CDYL: variants seen among roughly 807,000 people sequenced by gnomAD.
CDYL encodes the protein chromodomain Y-like protein.
CDYL carries 8 observed loss-of-function variants against 47.3 expected under a neutral mutation model. That is an observed-to-expected ratio of 0.17 (90% CI 0.10 to 0.31). The LOEUF (loss-of-function observed/expected upper bound fraction) is 0.31. Ranked by LOEUF, CDYL falls within the 10% of genes least tolerant of loss-of-function variation. The pLI is 1.00. For synonymous variants in CDYL, 266 were observed against 265.0 expected (o/e 1.00, Z -0.04); for missense variants, 471 against 701.4 (o/e 0.67, Z 3.71).
At chr6:4,902,090 G>A (rs931200898) in intron 2 of CDYL, among the ~76,000 whole-genome samples, 22 of 152,092 alleles carry the variant, frequency 1.4e-4, no homozygotes, top group Admixed American at 1.3e-4. Context: ...GAAAGCCAGG[G>A]CTAGTAACAA....
At chr6:4,743,333 C>T (rs1003854289) in intron 3 of CDYL, among the ~76,000 whole-genome samples, 3 of 152,214 alleles carry the variant, frequency 2.0e-5, no homozygotes, top group African/African-American at 4.8e-5. Context: ...CTCCCAGTTA[C>T]AGGACTCATA....
chr6:4,724,361 TTA>T (rs886875291), intron 2 of CDYL: 4 of 152,200 alleles, frequency 2.6e-5, no homozygotes, highest in African/African-American at 9.7e-5. Context: ...TGTCCCCTCT[TTA>T]TAATTCCAAA....
intron 1 of CDYL, among the ~76,000 whole-genome samples, chr6:4,885,450 A>G (rs1761875701): frequency 6.6e-6 from 1 of 152,176 alleles, no homozygotes; most frequent in Admixed American, 6.5e-5. Flanking sequence ...TGGTTCAGTT[A>G]TCAGATGGAT....
At chr6:4,725,117 G>A (rs1020387988) in intron 2 of CDYL, among the ~76,000 whole-genome samples, 10 of 152,166 alleles carry the variant, frequency 6.6e-5, no homozygotes, top group Admixed American at 2.0e-4. Context: ...CACAAACCCT[G>A]AGCTAGACAC....
rs1398064326 is a variant in CDYL at position 4,943,643 on chromosome 6, G to A, written c.1219G>A (p.Asp407Asn). Reference sequence around the variant, plus strand: ...AGGAGCATCTATATTGCCTCTTTGCGATGTGGTTTGGGCTAATGAAAAGGC... The same window carrying A: ...AGGAGCATCTATATTGCCTCTTTGCAATGTGGTTTGGGCTAATGAAAAGGC... ...GLGASILPLC[D>N]VVWANEKAWF... Residue 407 changes from aspartate to asparagine, a missense_variant, in exon 5 of 7, where the codon GAT becomes AAT. Asp to Asn is a conservative substitution (Grantham distance 23). This residue lies in a region of CDYL where 103 missense variants were observed against 277.1 expected (regional missense o/e 0.37). Coordinates refer to ENST00000397588, the MANE Select transcript of CDYL (RefSeq NM_004824.4). 6.2e-7 allele frequency: 1 copy of A among 1,613,874 alleles called. No homozygotes were observed.
chr6:4,718,304 G>C (rs1396312112), intron 2 of CDYL, among the ~76,000 whole-genome samples: 1 of 151,842 alleles, frequency 6.6e-6, no homozygotes, highest in African/African-American at 2.4e-5. Context: ...TCGTTTGTTT[G>C]GTTGTTTTTT....
At chr6:4,832,993 A>C (rs1472720443) in intron 1 of CDYL, among the ~76,000 whole-genome samples, 1 of 151,608 alleles carries the variant, frequency 6.6e-6, no homozygotes, top group African/African-American at 2.4e-5. Context: ...CTAGCAGTCT[A>C]TCAATTTTGT....
intron 1 of CDYL, among the ~76,000 whole-genome samples, chr6:4,788,480 C>CCAAAAAAAAAAAAAAA (rs1758820985): frequency 1.6e-5 from 1 of 61,064 alleles, no homozygotes; most frequent in African/African-American, 7.4e-5. Context: ...GAGACTCTGT[C>CCAAAAAAAAAAAAAAA]AAAAAAAAAA....
chr6:4,783,030 C>T (rs763819741), intron 1 of CDYL, among the ~76,000 whole-genome samples: 1 of 152,210 alleles, frequency 6.6e-6, no homozygotes, highest in Non-Finnish European at 1.5e-5. Flanking sequence ...TTCCTGAACT[C>T]ACATGCTACT....
intron 1 of CDYL, among the ~76,000 whole-genome samples, chr6:4,783,543 A>G (rs1432755320): frequency 6.6e-6 from 1 of 151,826 alleles, no homozygotes; most frequent in African/African-American, 2.4e-5. Context: ...CAGCCTTTCA[A>G]GTAGCTGGGA....
intron 2 of CDYL, among the ~76,000 whole-genome samples, chr6:4,893,914 A>C (rs1481828603): frequency 6.6e-6 from 1 of 152,212 alleles, no homozygotes; most frequent in Non-Finnish European, 1.5e-5. Context: ...AAAAAAGTGG[A>C]ATATGAACTG....
chr6:4,949,163 G>C (rs1048844821), intron 5 of CDYL, among the ~76,000 whole-genome samples: 1 of 152,246 alleles, frequency 6.6e-6, no homozygotes, highest in African/African-American at 2.4e-5. Flanking sequence ...TAGCCTTCCT[G>C]GTGCCCAGTA....
intron 1 of CDYL, among the ~76,000 whole-genome samples, chr6:4,823,789 T>C (rs1759905382): frequency 6.6e-6 from 1 of 152,208 alleles, no homozygotes; most frequent in African/African-American, 2.4e-5. Flanking sequence ...TTCCATGATA[T>C]TAATCACAAT....
intron 5 of CDYL, among the ~76,000 whole-genome samples, chr6:4,947,979 C>T (rs1020311300): frequency 6.6e-6 from 1 of 152,184 alleles, no homozygotes; most frequent in African/African-American, 2.4e-5. Flanking sequence ...TTATCCAAGT[C>T]ATTTGCTTTG....
At chr6:4,872,326 T>C (rs1427459885) in intron 1 of CDYL, among the ~76,000 whole-genome samples, 1 of 2,914 alleles carries the variant, frequency 3.4e-4, no homozygotes, top group Admixed American at 0.013. Flanking sequence ...TGATTTGGCT[T>C]TTTTTTTTTT....
intron 3 of CDYL, among the ~76,000 whole-genome samples, chr6:4,735,863 G>T: frequency 6.6e-6 from 1 of 151,848 alleles, no homozygotes; most frequent in East Asian, 1.9e-4. Flanking sequence ...ATCTCCAAAA[G>T]GTTCCCCCGC....
At chr6:4,931,463 C>G (rs1242488250) in intron 2 of CDYL, among the ~76,000 whole-genome samples, 1 of 152,064 alleles carries the variant, frequency 6.6e-6, no homozygotes, top group Non-Finnish European at 1.5e-5. Context: ...CATAGGCGTT[C>G]TAGGCAGAGG....
chr6:4,952,525 A>G (rs1758739369), intron 6 of CDYL, 116 bp downstream of exon 6: 1 of 1,163,940 alleles, frequency 8.6e-7, no homozygotes, highest in South Asian at 1.7e-5. Context: ...TCAACAGAGC[A>G]CCTTCCCGTG....
In CDYL at chr6:4,891,895, C is replaced by A. The variant is rs116726726; in HGVS notation, c.207C>A (p.Thr69=). The stretch of plus-strand genomic sequence containing the variant: ...AGAAGCAGAAGGAGAGCACATTGAC[C>A]AGAACAAACAGGACCTCTCCCAACA... The part of the protein sequence containing the change: ...HTEKQKESTL[T]RTNRTSPNNA... The change falls in exon 2 of 7, where the codon ACC becomes ACA. Residue 69 remains threonine, a synonymous_variant. Coordinates refer to ENST00000397588, the MANE Select transcript of CDYL (RefSeq NM_004824.4). 1 of 1,614,086 alleles carries A rather than the reference C, an allele frequency of 6.2e-7. No individual in the cohort carries two copies. Among genetic ancestry groups the A allele is most frequent in the Non-Finnish European group, 8.5e-7 (1 of 1,180,014 alleles).
Sources: allele counts gnomAD v4.1 joint callset (sites outside exome capture counted in the v4.1 genomes callset), GRCh38; gene constraint gnomAD v4.1.1; regional missense constraint gnomAD v4.1.1; transcripts MANE v1.5; gene names NCBI Gene and HGNC (gene_info 2026-07-23, HGNC 2026-07-21).